NT5C2: variants seen among roughly 807,000 people sequenced by gnomAD.
The protein encoded by NT5C2 is 5'-nucleotidase, cytosolic II.
Under a neutral mutation model 76.1 loss-of-function variants are expected in NT5C2, and 58 were observed. The observed-to-expected ratio is 0.76, with a 90% confidence interval of 0.62 to 0.95. The LOEUF is 0.95. Ranked by LOEUF, NT5C2 falls within the 40% of genes least tolerant of loss-of-function variation. NT5C2 has a pLI of 0.00. For missense variants in NT5C2, 478 were observed against 690.3 expected, an observed-to-expected ratio of 0.69 and a Z score of 3.45; for synonymous variants, 229 against 237.4, an observed-to-expected ratio of 0.96 and a Z score of 0.32.
chr10:103,183,747 G>A (rs2091630951), intron 1 of NT5C2, among the ~76,000 whole-genome samples: 2 of 151,142 alleles, frequency 1.3e-5, no homozygotes, highest in South Asian at 4.2e-4. Context: ...TTCAGGTGAT[G>A]GTTACACTAA....
intron 12 of NT5C2, among the ~76,000 whole-genome samples, chr10:103,094,864 G>A (rs1446028877): frequency 1.5e-5 from 2 of 130,700 alleles, no homozygotes; most frequent in African/African-American, 5.6e-5. Flanking sequence ...CTTGGCAACA[G>A]AGCAAGACTC....
At chr10:103,160,061 T>C (rs933641705) in intron 3 of NT5C2, among the ~76,000 whole-genome samples, 1 of 152,172 alleles carries the variant, frequency 6.6e-6, no homozygotes, top group East Asian at 1.9e-4. Context: ...ATCAAACAAA[T>C]ATAATTCAGA....
intron 3 of NT5C2, among the ~76,000 whole-genome samples, chr10:103,154,522 C>T (rs2082984090): frequency 6.6e-6 from 1 of 152,110 alleles, no homozygotes; most frequent in Non-Finnish European, 1.5e-5. Flanking sequence ...ACTAGAAGAA[C>T]TAAGGCTTAA....
In NT5C2 at chr10:103,189,192, GTTTC is replaced by G. The variant is rs1465278737; in HGVS notation, c.-169+4040_-169+4043del. ...TTTATAGGCTCATTAGTTTAATGGA[GTTTC>G]TTTAATGTTTTATTTTAGGTTCATC... On this transcript the variant is annotated intron_variant, in intron 1 of 18. Transcript: ENST00000404739. Among the ~76,000 whole-genome samples, 5 of 152,148 alleles carry G rather than the reference GTTTC, an allele frequency of 3.3e-5. No homozygotes were observed. The East Asian group carries it at 9.6e-4, about 29-fold the overall frequency.
rs553008951 is a variant in NT5C2, at chr10:103,173,648, C to T, written c.101+1210G>A. On this transcript the variant is annotated intron_variant, in intron 3 of 18. Transcript: ENST00000404739. Reference sequence around the variant, plus strand: ...AAAAAAAAAGAATTTCATTCTTGGCCGGGCGCAGTGGCTCACACCTGTAAT... The same window carrying T: ...AAAAAAAAAGAATTTCATTCTTGGCTGGGCGCAGTGGCTCACACCTGTAAT... Among the ~76,000 whole-genome samples the T allele has an allele frequency of 3.8e-4, 57 of 151,150 alleles. No homozygotes were observed. The South Asian group carries it at 0.011, about 29-fold the overall frequency.
chr10:103,142,887 G>A (rs771854224), intron 3 of NT5C2, among the ~76,000 whole-genome samples: 1 of 151,500 alleles, frequency 6.6e-6, no homozygotes, highest in South Asian at 2.1e-4. Flanking sequence ...GGAGGCTGAG[G>A]TAGGAGAACT....
rs1465024415 is a variant in NT5C2, at chr10:103,089,376, A to G, written c.*296T>C. ...TGTATCCAGATACACTGACATACGG[A>G]TGATTTTAAAAGTGTCACAAGCCAC... On this transcript the variant is annotated 3_prime_UTR_variant, in exon 19 of 19. Coordinates refer to ENST00000404739, the MANE Select transcript of NT5C2 (RefSeq NM_001351169.2). The G allele has an allele frequency of 1.0e-5, 3 of 297,858 alleles. No individual in the cohort carries two copies. Among genetic ancestry groups the G allele is most frequent in the Non-Finnish European group, 1.9e-5 (3 of 160,986 alleles). 18.5% of individuals were successfully genotyped at this position (297,858 alleles called of 1,614,324 possible). A position where few individuals can be genotyped will look rare whatever the true frequency, so the allele number is the denominator to read the frequency against.
chr10:103,141,324 G>C (rs2080383888), intron 3 of NT5C2, among the ~76,000 whole-genome samples: 1 of 152,076 alleles, frequency 6.6e-6, no homozygotes, highest in Non-Finnish European at 1.5e-5. Flanking sequence ...TGGGGATGGT[G>C]GTGTGCACCT....
chr10:103,128,232 C>G (rs971290137), intron 4 of NT5C2, among the ~76,000 whole-genome samples: 5 of 150,692 alleles, frequency 3.3e-5, no homozygotes, highest in Non-Finnish European at 7.4e-5. Context: ...CGCGCCGCCA[C>G]GCCTGACTGG....
At chr10:103,129,035 GC>G (rs911977591) in intron 4 of NT5C2, among the ~76,000 whole-genome samples, 3 of 113,406 alleles carry the variant, frequency 2.6e-5, no homozygotes, top group African/African-American at 6.6e-5. Flanking sequence ...TGGGGGGTCA[GC>G]CCCCCCGACC....
At chr10:103,193,204 C>CCCCG (rs2092784426) in intron 1 of NT5C2, 32 bp downstream of exon 1, 2 of 152,384 alleles carry the variant, frequency 1.3e-5, no homozygotes, top group African/African-American at 4.8e-5. Flanking sequence ...CCCGCTCCTT[C>CCCCG]CCCGCCCGCC....
intron 12 of NT5C2, among the ~76,000 whole-genome samples, chr10:103,094,830 C>T (rs922288311): frequency 1.4e-5 from 2 of 146,662 alleles, no homozygotes; most frequent in African/African-American, 2.5e-5. Flanking sequence ...TGCAGTGAGC[C>T]GAGATCGTGC....
intron 4 of NT5C2, among the ~76,000 whole-genome samples, chr10:103,115,725 C>A (rs963194831): frequency 7.2e-5 from 11 of 152,152 alleles, no homozygotes; most frequent in Admixed American, 7.2e-4. Context: ...GGGATACAGA[C>A]TTGACATAAA....
intron 3 of NT5C2, among the ~76,000 whole-genome samples, chr10:103,163,571 T>C (rs2085488937): frequency 6.6e-6 from 1 of 152,206 alleles, no homozygotes; most frequent in Admixed American, 6.5e-5. Flanking sequence ...TTCTTAGTGA[T>C]GTTCAGTCTT....
chr10:103,158,719 GAGGCAGGAGAATCGCTTTAACCC>G (rs2084011124), intron 3 of NT5C2, among the ~76,000 whole-genome samples: 1 of 151,668 alleles, frequency 6.6e-6, no homozygotes, highest in Admixed American at 6.6e-5. Context: ...TTGGGAAGCA[GAGGCAGGAGAATCGCTTTAACCC>G]AGGAGGCGGA....
intron 10 of NT5C2, among the ~76,000 whole-genome samples, chr10:103,097,762 T>G (rs1438527449): frequency 6.6e-6 from 1 of 152,232 alleles, no homozygotes; most frequent in African/African-American, 2.4e-5. Flanking sequence ...ACATAGAGAT[T>G]ATTAGATATG....
intron 3 of NT5C2, among the ~76,000 whole-genome samples, chr10:103,170,273 G>A (rs1279648828): frequency 6.6e-6 from 1 of 152,118 alleles, no homozygotes; most frequent in Non-Finnish European, 1.5e-5. Flanking sequence ...TCACACTACT[G>A]CACTGCAGCC....
intron 4 of NT5C2, among the ~76,000 whole-genome samples, chr10:103,109,020 G>A (rs1314773402): frequency 6.6e-6 from 1 of 151,328 alleles, no homozygotes; most frequent in Non-Finnish European, 1.5e-5. Context: ...CACCACACCT[G>A]GTATTTTTAG....
chr10:103,098,753 G>C (rs1339812105), intron 10 of NT5C2, 178 bp downstream of exon 10: 7 of 543,526 alleles, frequency 1.3e-5, no homozygotes, highest in Admixed American at 1.1e-4. Context: ...CAAGAAACAG[G>C]AAAAACTCTA....
Sources: allele counts gnomAD v4.1 joint callset (sites outside exome capture counted in the v4.1 genomes callset), GRCh38; gene constraint gnomAD v4.1.1; transcripts MANE v1.5; gene names NCBI Gene and HGNC (gene_info 2026-07-23, HGNC 2026-07-21).